Variants in POU3F3 observed in about 807,000 individuals in gnomAD.
POU3F3 encodes POU domain, class 3, transcription factor 3.
Under a neutral mutation model 8.6 loss-of-function variants are expected in POU3F3, and 1 was observed. That is an observed-to-expected ratio of 0.12 (90% CI 0.04 to 0.55). POU3F3 has a LOEUF of 0.55. Among genes scored for constraint, POU3F3 ranks in the 20% least tolerant of loss-of-function variants. The pLI is 0.91. For missense variants in POU3F3, 577 were observed against 690.7 expected, an observed-to-expected ratio of 0.84 and a Z score of 1.84; for synonymous variants, 418 against 327.4, an observed-to-expected ratio of 1.28 and a Z score of -2.99.
At chr2:104,887,499 A>G in the POU3F3 span, among the ~76,000 whole-genome samples, 3 of 152,192 alleles carry the variant, frequency 2.0e-5, no homozygotes, top group South Asian at 2.1e-4. Flanking sequence ...ATCTCTGGAA[A>G]CTTTCTTCCA....
chr2:104,874,584 G>A, the POU3F3 span, among the ~76,000 whole-genome samples: 1 of 152,224 alleles, frequency 6.6e-6, no homozygotes, highest in South Asian at 2.1e-4. Context: ...GAACAGTGTG[G>A]GGGACCTATC....
At chr2:104,915,259 C>T in the POU3F3 span, among the ~76,000 whole-genome samples, 23 of 152,146 alleles carry the variant, frequency 1.5e-4, no homozygotes, top group Non-Finnish European at 3.1e-4. Flanking sequence ...AATGTGGCCA[C>T]GGTAAGTCCT....
the POU3F3 span, chr2:104,872,327 C>T: frequency 2.2e-6 from 1 of 456,726 alleles, no homozygotes; most frequent in Non-Finnish European, 4.4e-6. This position sits in a 1 kb window ranked among gnomAD's most constrained non-coding sequence, Gnocchi z 4.6. Flanking sequence ...TTATCAACAT[C>T]ATCAAAGACC....
At chr2:104,889,934 T>C in the POU3F3 span, among the ~76,000 whole-genome samples, 1 of 152,118 alleles carries the variant, frequency 6.6e-6, no homozygotes, top group African/African-American at 2.4e-5. Flanking sequence ...CACTGGCTTA[T>C]CAGAACCCAA....
chr2:104,862,185 G>A (rs1676667073), downstream of POU3F3, among the ~76,000 whole-genome samples: 1 of 152,192 alleles, frequency 6.6e-6, no homozygotes, highest in Non-Finnish European at 1.5e-5. Context: ...TGTCACTGCC[G>A]GCCAGAGGCG....
the POU3F3 span, among the ~76,000 whole-genome samples, chr2:104,868,724 G>A: frequency 6.6e-6 from 1 of 152,172 alleles, no homozygotes; most frequent in Non-Finnish European, 1.5e-5. Context: ...GGCAGAGGAG[G>A]GGGAGGCAAT....
downstream of POU3F3, among the ~76,000 whole-genome samples, chr2:104,861,453 C>T (rs1216024490): frequency 6.6e-6 from 1 of 152,092 alleles, no homozygotes; most frequent in Admixed American, 6.5e-5. Flanking sequence ...ACGTGGCTGG[C>T]TGCAAGGATT....
chr2:104,875,072 T>C, the POU3F3 span, among the ~76,000 whole-genome samples: 140 of 152,326 alleles, frequency 9.2e-4, 3 homozygotes, highest in East Asian at 0.027. Flanking sequence ...AGGGACCCCA[T>C]ATTAGTGGAA....
At chr2:104,886,688 A>C in the POU3F3 span, among the ~76,000 whole-genome samples, 3 of 152,294 alleles carry the variant, frequency 2.0e-5, no homozygotes, top group South Asian at 6.2e-4. Context: ...TAGGTGGATC[A>C]CCTGAGGTCT....
At chr2:104,892,861 C>T in the POU3F3 span, among the ~76,000 whole-genome samples, 10 of 151,898 alleles carry the variant, frequency 6.6e-5, no homozygotes, top group African/African-American at 2.4e-4. Context: ...CTGGGGCTGG[C>T]CGATTCATGC....
the POU3F3 span, among the ~76,000 whole-genome samples, chr2:104,924,266 G>A: frequency 1.3e-5 from 2 of 152,216 alleles, no homozygotes; most frequent in Non-Finnish European, 2.9e-5. Flanking sequence ...ATGGAAAGAT[G>A]ATGTTACAGA....
the POU3F3 span, chr2:104,866,460 G>T: frequency 6.6e-6 from 1 of 152,190 alleles, no homozygotes; most frequent in Non-Finnish European, 1.5e-5. Context: ...TTGAACTGGG[G>T]CTTCAAGGAG....
At chr2:104,900,964 C>G in the POU3F3 span, among the ~76,000 whole-genome samples, 12,092 of 152,218 alleles carry the variant, frequency 0.079, 729 homozygotes, top group Non-Finnish European at 0.12. Context: ...CTTGCTGTCT[C>G]CCCCTGGTTG....
chr2:104,883,703 G>A, the POU3F3 span, among the ~76,000 whole-genome samples: 3 of 152,208 alleles, frequency 2.0e-5, no homozygotes, highest in African/African-American at 7.2e-5. Context: ...TGTGTTTAAT[G>A]TCAGAAAATC....
chr2:104,884,241 CAAA>C, the POU3F3 span, among the ~76,000 whole-genome samples: 1 of 152,216 alleles, frequency 6.6e-6, no homozygotes, highest in African/African-American at 2.4e-5. Context: ...GGGGTGGTAT[CAAA>C]AGAAGTCTTT....
At chr2:104,924,975 T>A in the POU3F3 span, among the ~76,000 whole-genome samples, 1 of 152,218 alleles carries the variant, frequency 6.6e-6, no homozygotes, top group Admixed American at 6.5e-5. Context: ...GACATGGCAA[T>A]TTTTATACTG....
At chr2:104,902,744 T>C in the POU3F3 span, among the ~76,000 whole-genome samples, 1 of 152,206 alleles carries the variant, frequency 6.6e-6, no homozygotes, top group African/African-American at 2.4e-5. Flanking sequence ...TTTAATGATT[T>C]TTTTCTTACC....
Position 104,857,481 on chromosome 2 carries a change from C to G in POU3F3, c.*468C>G, listed in dbSNP as rs978003660. On this transcript the variant is annotated 3_prime_UTR_variant, in exon 1 of 1. Transcript: ENST00000361360. ...TGAGGTTTTTCCACCCTGAGATGAC[C>G]TACACGGCAGCGGTGGACAGCACCT... 1 of 153,622 alleles carries G rather than the reference C, an allele frequency of 6.5e-6. No homozygotes were observed. Among genetic ancestry groups the G allele is most frequent in the Non-Finnish European group, 1.5e-5 (1 of 68,030 alleles). The allele number at this position is 153,622 out of a possible 1,614,324, so 9.5% of individuals were successfully genotyped here. A position where few individuals can be genotyped will look rare whatever the true frequency, so the allele number is the denominator to read the frequency against.
At chr2:104,891,250 A>G in the POU3F3 span, among the ~76,000 whole-genome samples, 2 of 152,164 alleles carry the variant, frequency 1.3e-5, no homozygotes, top group Admixed American at 1.3e-4. Context: ...GCCTTGAGGG[A>G]TATCATTCAA....
Sources: gnomAD v4.1 joint callset for allele counts (sites outside exome capture counted in the v4.1 genomes callset) on GRCh38, gnomAD v4.1.1 for gene constraint, Gnocchi (gnomAD v3.1) non-coding constraint, MANE v1.5 for transcripts, NCBI Gene and HGNC (gene_info 2026-07-23, HGNC 2026-07-21) for gene names.